Variants in PLSCR1 observed in about 807,000 individuals in gnomAD.
PLSCR1 encodes the protein PL scramblase 1.
PLSCR1 carries 17 observed loss-of-function variants against 37.8 expected under a neutral mutation model. The ratio of observed to expected loss-of-function variants is 0.45; its 90% CI spans 0.31 to 0.68. PLSCR1 has a LOEUF of 0.68. Among genes scored for constraint, PLSCR1 ranks in the 30% least tolerant of loss-of-function variants. The probability of loss-of-function intolerance (pLI) is 0.06; values close to 1 mark genes in which losing one functional copy is unlikely to be tolerated. For synonymous variants in PLSCR1, 116 were observed against 125.9 expected (o/e 0.92, Z 0.53); for missense variants, 347 against 380.9 (o/e 0.91, Z 0.74).
chr3:146,526,781 C>A (rs2044122234), intron 4 of PLSCR1, among the ~76,000 whole-genome samples: 2 of 151,288 alleles, frequency 1.3e-5, no homozygotes, highest in African/African-American at 4.8e-5. Flanking sequence ...ATAAGCCAGG[C>A]ACAGAAAGAA....
chr3:146,515,927 A>T lies in PLSCR1; in HGVS notation c.*118T>A. 5 of 603,014 alleles carry T rather than the reference A, an allele frequency of 8.3e-6. 1 individual carries two copies. The South Asian group carries it at 1.2e-4, about 15-fold the overall frequency. 37.4% of individuals were successfully genotyped at this position (603,014 alleles called of 1,614,324 possible). On this transcript the variant is annotated 3_prime_UTR_variant, in exon 9 of 9. Coordinates refer to ENST00000342435, the MANE Select transcript of PLSCR1 (RefSeq NM_021105.3). ...ACAGAAGATAAACTATAATTTGAAA[A>T]GCAAAAGTATACAACCAGAGCTACA...
intron 5 of PLSCR1, among the ~76,000 whole-genome samples, chr3:146,525,342 G>A (rs57457861): frequency 0.019 from 2,836 of 152,322 alleles, 97 homozygotes; most frequent in African/African-American, 0.065. Context: ...AGTGATGTAT[G>A]AAGAGAGGAG....
chr3:146,531,136 G>A (rs2044192527), intron 3 of PLSCR1, among the ~76,000 whole-genome samples: 1 of 152,188 alleles, frequency 6.6e-6, no homozygotes, highest in Admixed American at 6.5e-5. Flanking sequence ...GCTGCCTTGA[G>A]GGGTCACCTT....
Position 146,515,932 on chromosome 3 carries a change from A to G in PLSCR1, c.*113T>C. Reference sequence around the variant, plus strand: ...AGATAAACTATAATTTGAAAAGCAAAAGTATACAACCAGAGCTACAGGCCT... The same window carrying G: ...AGATAAACTATAATTTGAAAAGCAAGAGTATACAACCAGAGCTACAGGCCT... On this transcript the variant is annotated 3_prime_UTR_variant, in exon 9 of 9. Coordinates refer to ENST00000342435, the MANE Select transcript of PLSCR1 (RefSeq NM_021105.3). 3.2e-6 allele frequency: 2 copies of G among 619,308 alleles called. No homozygotes were observed. The highest frequency in any genetic ancestry group is 5.7e-6 in the Non-Finnish European group (2 of 350,582). The allele number at this position is 619,308 out of a possible 1,614,324, so 38.4% of individuals were successfully genotyped here.
intron 7 of PLSCR1, among the ~76,000 whole-genome samples, chr3:146,521,150 C>T (rs1401729710): frequency 1.3e-5 from 2 of 152,126 alleles, no homozygotes; most frequent in Admixed American, 6.5e-5. Context: ...ACATTCTGAA[C>T]ATGGCCTTGA....
chr3:146,534,648 C>CA lies in PLSCR1; in HGVS notation c.14-1099dup, dbSNP rs532381780. 6.4e-3 allele frequency among the ~76,000 whole-genome samples: 978 copies of CA among 151,670 alleles called. 9 individuals are homozygous for CA. Among genetic ancestry groups the CA allele is most frequent in the African/African-American group, 0.022 (910 of 41,330 alleles). ...TCCATGGTGATTGTGTAAAATCAGGCAAAAAAACCGCTCTCCTACTCGTTC... is the reference window on the plus strand; with the variant it reads ...TCCATGGTGATTGTGTAAAATCAGGCAAAAAAAACCGCTCTCCTACTCGTTC... On this transcript the variant is annotated intron_variant, in intron 2 of 8. Coordinates refer to ENST00000342435, the MANE Select transcript of PLSCR1 (RefSeq NM_021105.3).
chr3:146,516,419 G>A (rs2043947185), intron 8 of PLSCR1: 1 of 224,516 alleles, frequency 4.5e-6, no homozygotes, highest in African/African-American at 2.3e-5. Flanking sequence ...GGAATCACCT[G>A]GAACACTATA....
chr3:146,542,260 T>G (rs566647799), intron 1 of PLSCR1, among the ~76,000 whole-genome samples: 8 of 152,198 alleles, frequency 5.3e-5, no homozygotes, highest in Non-Finnish European at 5.9e-5. Flanking sequence ...CCTGTGAGGT[T>G]CCCTCTGTCT....
intron 5 of PLSCR1, chr3:146,525,394 A>G (rs1392263529): frequency 4.1e-6 from 2 of 490,528 alleles, no homozygotes; most frequent in East Asian, 3.9e-5. Flanking sequence ...AGTTAGTGTC[A>G]ATATCCCGAG....
At chr3:146,527,649 C>G (rs1303154774) in intron 4 of PLSCR1, among the ~76,000 whole-genome samples, 2 of 151,978 alleles carry the variant, frequency 1.3e-5, no homozygotes, top group Non-Finnish European at 2.9e-5. Flanking sequence ...TTATGAGACT[C>G]TGATTTTTAA....
At chr3:146,527,618 T>G (rs2044136316) in intron 4 of PLSCR1, among the ~76,000 whole-genome samples, 1 of 152,226 alleles carries the variant, frequency 6.6e-6, no homozygotes, top group African/African-American at 2.4e-5. Context: ...TTGTCATATG[T>G]GATAACATCC....
intron 5 of PLSCR1, among the ~76,000 whole-genome samples, chr3:146,523,892 T>C (rs764984983): frequency 3.9e-5 from 6 of 152,204 alleles, no homozygotes; most frequent in East Asian, 1.9e-4. Context: ...ACTGGGGTCA[T>C]AGATGTCAGA....
At chr3:146,528,875 T>C (rs2044156824) in intron 3 of PLSCR1, 44 bp from the exon 4 acceptor site, 1 of 1,462,616 alleles carries the variant, frequency 6.8e-7, no homozygotes, top group South Asian at 1.2e-5. Context: ...GCACCAAAAA[T>C]GGAATTGTCA....
intron 3 of PLSCR1, 60 bp from the exon 4 acceptor site, chr3:146,528,891 T>A: frequency 8.1e-7 from 1 of 1,228,136 alleles, no homozygotes. Context: ...TGTCAACCTT[T>A]TTAGGGTTAT....
intron 1 of PLSCR1, among the ~76,000 whole-genome samples, chr3:146,543,492 C>T (rs1997602): frequency 0.071 from 10,875 of 152,266 alleles, 508 homozygotes; most frequent in Admixed American, 0.12. Context: ...AGCCCCCAAA[C>T]TGTCTGACAC....
rs2043939169 is a variant in PLSCR1, at chr3:146,515,903, C to G, written c.*142G>C. 1.9e-6 allele frequency: 1 copy of G among 530,032 alleles called. No individual in the cohort carries two copies. Among genetic ancestry groups the G allele is most frequent in the Non-Finnish European group, 3.4e-6 (1 of 295,140 alleles). 32.8% of individuals were successfully genotyped at this position (530,032 alleles called of 1,614,324 possible). Reference sequence around the variant, plus strand: ...CAAAAACCTTTATAAATCAGTTATACAGAAGATAAACTATAATTTGAAAAG... The same window carrying G: ...CAAAAACCTTTATAAATCAGTTATAGAGAAGATAAACTATAATTTGAAAAG... On this transcript the variant is annotated 3_prime_UTR_variant, in exon 9 of 9. Transcript: ENST00000342435.
chr3:146,527,535 A>G (rs1235008240), intron 4 of PLSCR1, among the ~76,000 whole-genome samples: 1 of 152,236 alleles, frequency 6.6e-6, no homozygotes, highest in African/African-American at 2.4e-5. Flanking sequence ...AAATATTGGT[A>G]ACTTTTTTAG....
At chr3:146,541,499 G>A (rs1158939457) in intron 1 of PLSCR1, among the ~76,000 whole-genome samples, 1 of 152,164 alleles carries the variant, frequency 6.6e-6, no homozygotes, top group East Asian at 1.9e-4. Flanking sequence ...TTTAATAAAT[G>A]TGATACAGCT....
At chr3:146,536,826 G>C (rs752945077) in intron 1 of PLSCR1, 6 of 347,666 alleles carry the variant, frequency 1.7e-5, no homozygotes, top group Non-Finnish European at 3.3e-5. Flanking sequence ...AGAGGGTCCA[G>C]TGAGGCAGAA....
Sources: allele counts gnomAD v4.1 joint callset (sites outside exome capture counted in the v4.1 genomes callset), GRCh38; gene constraint gnomAD v4.1.1; transcripts MANE v1.5; gene names NCBI Gene and HGNC (gene_info 2026-07-23, HGNC 2026-07-21).